The following RMST variants were observed in gnomAD, a reference collection of about 807,000 sequenced individuals.
RMST encodes the protein long intergenic non-protein coding RNA 54.
chr12:97,486,380 A>G (rs1876112901), intron 5 of RMST, among the ~76,000 whole-genome samples: 1 of 152,178 alleles, frequency 6.6e-6, no homozygotes, highest in Non-Finnish European at 1.5e-5. Flanking sequence ...TATGAAAAGC[A>G]GCAAAAGCAG....
chr12:97,484,708 T>G (rs1424136989), intron 5 of RMST, among the ~76,000 whole-genome samples: 1 of 152,180 alleles, frequency 6.6e-6, no homozygotes, highest in East Asian at 1.9e-4. Context: ...AAAAGAGCTC[T>G]TCTCTTTCAA....
At chr12:97,515,711 T>C (rs1037471872) in intron 10 of RMST, among the ~76,000 whole-genome samples, 2 of 152,124 alleles carry the variant, frequency 1.3e-5, no homozygotes, top group African/African-American at 4.8e-5. Flanking sequence ...TTATCTCTAA[T>C]ATTTGTAATT....
At chr12:97,488,245 G>A (rs117368912) in intron 5 of RMST, among the ~76,000 whole-genome samples, 1,882 of 152,254 alleles carry the variant, frequency 0.012, 27 homozygotes, top group Non-Finnish European at 0.018. Context: ...TTAGCTGGTG[G>A]TGCATGCCTG....
At chr12:97,488,594 C>T (rs900203399) in intron 5 of RMST, among the ~76,000 whole-genome samples, 1 of 152,204 alleles carries the variant, frequency 6.6e-6, no homozygotes, top group Admixed American at 6.5e-5. Context: ...TCTCAAGTTG[C>T]GTGGTGGCCC....
rs766628726 is a variant in RMST, at chr12:97,499,615, CTTCTTT to C, written n.1340+3568_1340+3573del. Among the ~76,000 whole-genome samples, 47 of 149,416 alleles carry C rather than the reference CTTCTTT, an allele frequency of 3.1e-4. No homozygotes were observed. The South Asian group carries it at 0.01, about 32-fold the overall frequency. On this transcript the variant is annotated intron_variant and non_coding_transcript_variant, in intron 10 of 13. Coordinates refer to ENST00000640149, the Ensembl canonical transcript of RMST. ...AATGATATAGAGCTTTTTATGTTTT[CTTCTTT>C]TTCTTTTTTTTTCTTTTTCTTTTTC... is the stretch of plus-strand genomic sequence containing the variant.
At chr12:97,516,262 A>T (rs898946861) in intron 10 of RMST, among the ~76,000 whole-genome samples, 1 of 152,032 alleles carries the variant, frequency 6.6e-6, no homozygotes, top group African/African-American at 2.4e-5. Flanking sequence ...ATGCTTGCTC[A>T]TATTGTAAAC....
intron 10 of RMST, among the ~76,000 whole-genome samples, chr12:97,529,609 C>G (rs1405549895): frequency 6.6e-6 from 1 of 151,858 alleles, no homozygotes; most frequent in Non-Finnish European, 1.5e-5. Context: ...TTTGTTGATA[C>G]TCAGACATTT....
intron 5 of RMST, among the ~76,000 whole-genome samples, chr12:97,465,954 A>T (rs1310547428): frequency 6.6e-6 from 1 of 152,164 alleles, no homozygotes; most frequent in Non-Finnish European, 1.5e-5. Flanking sequence ...GTTTCCCTTC[A>T]GCCTTGAAAA....
At chr12:97,507,287 T>A (rs7302126) in intron 10 of RMST, among the ~76,000 whole-genome samples, 84,164 of 145,448 alleles carry the variant, frequency 0.58, 25,624 homozygotes, top group Non-Finnish European at 0.7. Flanking sequence ...TTTTTTTTTT[T>A]AAAAAAAAAA....
At chr12:97,520,500 C>T (rs936247193) in intron 10 of RMST, among the ~76,000 whole-genome samples, 1 of 151,870 alleles carries the variant, frequency 6.6e-6, no homozygotes, top group Non-Finnish European at 1.5e-5. Context: ...AGTGGGTGCT[C>T]CTAAATTAAA....
At chr12:97,496,247 A>AT (rs1286444407) in intron 10 of RMST, among the ~76,000 whole-genome samples, 3 of 151,968 alleles carry the variant, frequency 2.0e-5, no homozygotes, top group African/African-American at 7.3e-5. Flanking sequence ...ACTATGGTGG[A>AT]TTTTTTTCAA....
At chr12:97,553,778 G>T (rs1244812383) in intron 11 of RMST, among the ~76,000 whole-genome samples, 1 of 151,848 alleles carries the variant, frequency 6.6e-6, no homozygotes. Context: ...TTCTGACCAA[G>T]TCCAATCTCT....
At chr12:97,471,882 T>C (rs1873962243) in intron 5 of RMST, among the ~76,000 whole-genome samples, 1 of 152,126 alleles carries the variant, frequency 6.6e-6, no homozygotes, top group Admixed American at 6.6e-5. Flanking sequence ...TAACGGCTTG[T>C]TTTGTCACTG....
chr12:97,495,392 A>G (rs536293970), intron 9 of RMST, among the ~76,000 whole-genome samples: 1 of 152,288 alleles, frequency 6.6e-6, no homozygotes, highest in East Asian at 1.9e-4. Context: ...AAAAAAAGTA[A>G]AAAAGCAATG....
intron 10 of RMST, among the ~76,000 whole-genome samples, chr12:97,497,076 C>A (rs1050701583): frequency 6.6e-6 from 1 of 152,090 alleles, no homozygotes; most frequent in Non-Finnish European, 1.5e-5. Context: ...GCACATATCC[C>A]ATCTTACCAT....
chr12:97,540,742 A>C (rs1219653168), intron 11 of RMST, among the ~76,000 whole-genome samples: 1 of 151,668 alleles, frequency 6.6e-6, no homozygotes, highest in Non-Finnish European at 1.5e-5. Context: ...CCCAATGCCT[A>C]ACGTCAAGTT....
intron 10 of RMST, among the ~76,000 whole-genome samples, chr12:97,519,932 C>G (rs1455225839): frequency 1.3e-5 from 2 of 152,108 alleles, no homozygotes; most frequent in African/African-American, 4.8e-5. Context: ...TCAAGATTGT[C>G]TCAAGAAAAG....
chr12:97,518,926 T>C (rs747581190), intron 10 of RMST, among the ~76,000 whole-genome samples: 5 of 151,166 alleles, frequency 3.3e-5, no homozygotes, highest in Non-Finnish European at 7.4e-5. Flanking sequence ...CCTGCCACCA[T>C]GTTCAGCTAA....
At chr12:97,542,349 C>T (rs1190567850) in intron 11 of RMST, among the ~76,000 whole-genome samples, 1 of 151,790 alleles carries the variant, frequency 6.6e-6, no homozygotes, top group African/African-American at 2.4e-5. Context: ...ATAAACACAC[C>T]TGAAGCAACT....
Sources: gnomAD v4.1 joint callset for allele counts (sites outside exome capture counted in the v4.1 genomes callset) on GRCh38, gnomAD v4.1.1 for gene constraint, MANE v1.5 for transcripts, NCBI Gene and HGNC (gene_info 2026-07-23, HGNC 2026-07-21) for gene names.